STK32A: variants seen among roughly 807,000 people sequenced by gnomAD.
STK32A encodes the protein serine/threonine kinase 32A.
A neutral mutation model predicts 53.2 loss-of-function variants in STK32A; 41 were observed. The observed-to-expected ratio is 0.77, with a 90% confidence interval of 0.60 to 1.00. The LOEUF is 1.00. Ranked by LOEUF, STK32A falls within the 50% of genes least tolerant of loss-of-function variation. The pLI is 0.00. For synonymous variants in STK32A, 166 were observed against 162.8 expected, an observed-to-expected ratio of 1.02 and a Z score of -0.15; for missense variants, 458 against 485.8, an observed-to-expected ratio of 0.94 and a Z score of 0.54.
At chr5:147,244,086 T>A (rs894878376) in intron 2 of STK32A, among the ~76,000 whole-genome samples, 3 of 152,174 alleles carry the variant, frequency 2.0e-5, no homozygotes, top group Non-Finnish European at 2.9e-5. Context: ...TGACTTTATG[T>A]CTCTATGAAT....
intron 7 of STK32A, 39 bp downstream of exon 7, chr5:147,351,193 T>A: frequency 6.6e-7 from 1 of 1,517,394 alleles, no homozygotes; most frequent in Non-Finnish European, 9.1e-7. Flanking sequence ...TTCTTTCCTG[T>A]AAATACCATT....
At chr5:147,317,232 G>A (rs1754039663) in intron 4 of STK32A, among the ~76,000 whole-genome samples, 1 of 149,816 alleles carries the variant, frequency 6.7e-6, no homozygotes, top group Admixed American at 6.6e-5. Flanking sequence ...ATTGTGGAAT[G>A]TATAGATTGA....
the STK32A span, chr5:147,397,537 G>T: frequency 9.6e-7 from 1 of 1,042,408 alleles, no homozygotes; most frequent in Non-Finnish European, 1.4e-6. Flanking sequence ...TGTTCTTGGG[G>T]ACAAGACTGT....
chr5:147,299,153 G>C (rs7713898), intron 4 of STK32A, among the ~76,000 whole-genome samples: 1 of 152,104 alleles, frequency 6.6e-6, no homozygotes, highest in East Asian at 1.9e-4. Flanking sequence ...CCTGAGGACT[G>C]CTGGTTGATC....
intron 2 of STK32A, among the ~76,000 whole-genome samples, chr5:147,267,438 G>A (rs907695786): frequency 6.6e-6 from 1 of 152,048 alleles, no homozygotes; most frequent in African/African-American, 2.4e-5. Context: ...CTGACCCTGG[G>A]TAATTTAACT....
intron 4 of STK32A, among the ~76,000 whole-genome samples, chr5:147,312,498 A>G (rs781372455): frequency 5.9e-5 from 9 of 152,236 alleles, no homozygotes; most frequent in Non-Finnish European, 1.0e-4. Context: ...GTCCACATTT[A>G]TGAATTTTAG....
chr5:147,374,786 G>A (rs1048812456), intron 10 of STK32A, among the ~76,000 whole-genome samples: 2 of 152,132 alleles, frequency 1.3e-5, no homozygotes, highest in African/African-American at 2.4e-5. Context: ...GTGATTCTGA[G>A]TTACATGATT....
intron 5 of STK32A, among the ~76,000 whole-genome samples, chr5:147,334,447 T>A (rs1481935731): frequency 6.6e-6 from 1 of 152,224 alleles, no homozygotes; most frequent in Non-Finnish European, 1.5e-5. Flanking sequence ...TGATTTGTGT[T>A]TGTGCCATTT....
chr5:147,320,151 T>A (rs2151976523), intron 4 of STK32A, among the ~76,000 whole-genome samples: 1 of 152,336 alleles, frequency 6.6e-6, no homozygotes, highest in South Asian at 2.1e-4. Context: ...ATTTCACAAC[T>A]CCTTAAAGGA....
the STK32A span, chr5:147,395,748 A>T: frequency 0.25 from 406,566 of 1,611,012 alleles, 55,079 homozygotes; most frequent in East Asian, 0.55. Context: ...GCATGTCACC[A>T]TTCATTCATT....
At chr5:147,314,357 G>C (rs1174097413) in intron 4 of STK32A, among the ~76,000 whole-genome samples, 1 of 151,994 alleles carries the variant, frequency 6.6e-6, no homozygotes, top group Non-Finnish European at 1.5e-5. Flanking sequence ...AATTAGCTGG[G>C]TGTGGTGTCA....
chr5:147,352,039 C>A (rs182814483), intron 7 of STK32A, among the ~76,000 whole-genome samples: 3 of 152,086 alleles, frequency 2.0e-5, no homozygotes, highest in Admixed American at 1.3e-4. Flanking sequence ...CCCATGAATT[C>A]TTCTGTTTAA....
intron 2 of STK32A, among the ~76,000 whole-genome samples, chr5:147,266,971 C>A (rs993261829): frequency 6.7e-6 from 1 of 150,148 alleles, no homozygotes; most frequent in Non-Finnish European, 1.5e-5. Flanking sequence ...TGTGGTGAGC[C>A]GAGATTGTGC....
intron 11 of STK32A, among the ~76,000 whole-genome samples, chr5:147,378,191 C>T (rs72833313): frequency 1.1e-4 from 16 of 152,118 alleles, no homozygotes; most frequent in Non-Finnish European, 2.1e-4. Context: ...GTTAGATACA[C>T]AAAGTGCTGT....
chr5:147,388,096 C>T (rs569347786), downstream of STK32A, among the ~76,000 whole-genome samples: 27 of 152,308 alleles, frequency 1.8e-4, no homozygotes, highest in Non-Finnish European at 2.9e-4. Flanking sequence ...CTCTAGTAGT[C>T]GCATTTCAGG....
intron 4 of STK32A, among the ~76,000 whole-genome samples, chr5:147,321,734 T>C (rs1754331149): frequency 6.6e-6 from 1 of 152,234 alleles, no homozygotes; most frequent in Non-Finnish European, 1.5e-5. Context: ...ACTTGACTGT[T>C]ACCAGGTTTC....
chr5:147,273,070 A>T (rs555629933), intron 2 of STK32A, among the ~76,000 whole-genome samples: 1 of 152,238 alleles, frequency 6.6e-6, no homozygotes, highest in Non-Finnish European at 1.5e-5. Context: ...ACCTTCTACA[A>T]GGGTCTTCTC....
chr5:147,316,584 G>A (rs1753998868), intron 4 of STK32A, among the ~76,000 whole-genome samples: 1 of 152,002 alleles, frequency 6.6e-6, no homozygotes, highest in Non-Finnish European at 1.5e-5. Flanking sequence ...TATATTGATT[G>A]CTTTTGGAGG....
intron 1 of STK32A, among the ~76,000 whole-genome samples, chr5:147,236,034 C>T (rs1753300530): frequency 6.6e-6 from 1 of 152,158 alleles, no homozygotes; most frequent in Non-Finnish European, 1.5e-5. Context: ...TGTGTCTATG[C>T]ACATTCTGTG....
Sources: gnomAD v4.1 joint callset for allele counts (sites outside exome capture counted in the v4.1 genomes callset) on GRCh38, gnomAD v4.1.1 for gene constraint, MANE v1.5 for transcripts, NCBI Gene and HGNC (gene_info 2026-07-23, HGNC 2026-07-21) for gene names.